Variants in PLEKHM2 observed in about 807,000 individuals in gnomAD.
PLEKHM2 encodes the protein pleckstrin homology and RUN domain containing M2, also known as pleckstrin homology domain-containing family M member 2.
A neutral mutation model predicts 116.3 loss-of-function variants in PLEKHM2; 77 were observed. The ratio of observed to expected loss-of-function variants is 0.66; its 90% CI spans 0.55 to 0.80. PLEKHM2 has a LOEUF of 0.80. PLEKHM2 is among the 30% of genes least tolerant of loss of function. The pLI, the probability that PLEKHM2 is intolerant of heterozygous loss-of-function variation, is 0.00. For synonymous variants in PLEKHM2, 562 were observed against 571.0 expected, an observed-to-expected ratio of 0.98 and a Z score of 0.22; for missense variants, 1,183 against 1,354.9, an observed-to-expected ratio of 0.87 and a Z score of 1.99.
chr1:15,706,455 G>T (rs1291909765), intron 1 of PLEKHM2, among the ~76,000 whole-genome samples: 1 of 151,994 alleles, frequency 6.6e-6, no homozygotes, highest in Non-Finnish European at 1.5e-5. Context: ...GCCCAGGCTG[G>T]AGTGCAGTGG....
intron 1 of PLEKHM2, among the ~76,000 whole-genome samples, chr1:15,695,641 A>T (rs1481780528): frequency 6.6e-6 from 1 of 151,914 alleles, no homozygotes; most frequent in East Asian, 1.9e-4. Context: ...CCTCCCAAGT[A>T]GCTGGGATTA....
intron 1 of PLEKHM2, among the ~76,000 whole-genome samples, chr1:15,685,541 G>GAAAAAAAAAAAAAAAAAAAGAAAAAAAAA (rs1640751476): frequency 1.4e-5 from 1 of 73,508 alleles, no homozygotes; most frequent in Admixed American, 1.9e-4. Flanking sequence ...CTCAGAAACT[G>GAAAAAAAAAAAAAAAAAAAGAAAAAAAAA]AAAAAAAAAA....
intron 7 of PLEKHM2, among the ~76,000 whole-genome samples, chr1:15,723,744 CAAAAAAAAAAAAA>C (rs1056474462): frequency 3.9e-5 from 3 of 76,412 alleles, no homozygotes; most frequent in Admixed American, 1.5e-4. Flanking sequence ...GACCCTGTCT[CAAAAAAAAAAAAA>C]AAAAAAAAAA....
chr1:15,718,392 G>C (rs1641488252), intron 4 of PLEKHM2, 146 bp from the exon 5 acceptor site: 6 of 641,268 alleles, frequency 9.4e-6, no homozygotes, highest in South Asian at 3.5e-5. Flanking sequence ...CTGAGAGGGT[G>C]GTGGGCAACA....
chr1:15,716,220 G>GTTTTTTTTTTTTTT lies in PLEKHM2; in HGVS notation c.61-8_61-7insTTTTTTTTTTTTTT. ...CTTAATCCATTTCTGATTTGGAGGT[G>GTTTTTTTTTTTTTT]TTTTTTTTTCTTTCAGTTGCAGAGC... is the stretch of plus-strand genomic sequence containing the variant. On this transcript the variant is annotated splice_polypyrimidine_tract_variant and intron_variant, in intron 1 of 19. Transcript: ENST00000375799. 7.2e-7 allele frequency: 1 copy of GTTTTTTTTTTTTTT among 1,383,172 alleles called. No individual in the cohort carries two copies. The highest frequency in any genetic ancestry group is 1.0e-6 in the Non-Finnish European group (1 of 1,004,034). The allele number at this position is 1,383,172 out of a possible 1,614,324, so 85.7% of individuals were successfully genotyped here.
chr1:15,733,862 C>A lies in PLEKHM2; in HGVS notation c.2988C>A (p.Ser996Arg). The change falls in exon 20 of 20, where the codon AGC becomes AGA. Residue 996 changes from serine (S) to arginine (R), a missense_variant. By Grantham distance (110) the Ser-to-Arg change is moderately radical. Coordinates refer to ENST00000375799, the MANE Select transcript of PLEKHM2 (RefSeq NM_015164.4). ...AGAAGAAATTCGAGGATGCCTTGAG[C>A]CTCATCCACAGCGCCTGGCAGCGGA... ...SNKKKFEDAL[S>R]LIHSAWQRSD... 1.2e-6 allele frequency: 2 copies of A among 1,613,054 alleles called. No homozygotes were observed. Among genetic ancestry groups the A allele is most frequent in the Non-Finnish European group, 1.7e-6 (2 of 1,179,834 alleles).
At chr1:15,720,366 G>A (rs570967121) in intron 6 of PLEKHM2, 23 of 985,188 alleles carry the variant, frequency 2.3e-5, no homozygotes, top group East Asian at 1.1e-4. Context: ...GGTCTGAAGC[G>A]CAGGGAAACC....
rs2148369075 is a variant in PLEKHM2 at position 15,725,504 on chromosome 1, C to T, written c.900C>T (p.Ala300=). The T allele has an allele frequency of 6.3e-7, 1 of 1,576,912 alleles. No homozygotes were observed. Among genetic ancestry groups the T allele is most frequent in the Non-Finnish European group, 8.6e-7 (1 of 1,162,314 alleles). Residue 300 remains alanine (A), a synonymous_variant, in exon 8 of 20, where the codon GCC becomes GCT. Coordinates refer to ENST00000375799, the MANE Select transcript of PLEKHM2 (RefSeq NM_015164.4). ...TTSQEKEEAQ[A]LDPPDACTEL... is the part of the protein sequence containing the mutation. ...CTCAGGAGAAGGAGGAGGCCCAGGC[C>T]CTGGACCCGCCGGATGCCTGCACGG...
In PLEKHM2 at chr1:15,720,283, G is replaced by A. The variant is rs1196583936; in HGVS notation, c.652+363G>A. 6 of 956,610 alleles carry A rather than the reference G, an allele frequency of 6.3e-6. No individual in the cohort carries two copies. In the Admixed American group the frequency reaches 3.7e-4, roughly 59 times the overall value. 59.3% of individuals were successfully genotyped at this position (956,610 alleles called of 1,614,324 possible). A position where few individuals can be genotyped will look rare whatever the true frequency, so the allele number is the denominator to read the frequency against. ...CGCAGGGTTGAGTGTTGCCTGTTCT[G>A]GGGAGCTTGTCTGACCCCACATTCT... On this transcript the variant is annotated intron_variant, in intron 6 of 19. Transcript: ENST00000375799.
chr1:15,719,945 C>CCTTA lies in PLEKHM2; in HGVS notation c.652+25_652+26insCTTA. The CCTTA allele has an allele frequency of 6.3e-7, 1 of 1,588,742 alleles. No homozygotes were observed. Among genetic ancestry groups the CCTTA allele is most frequent in the Non-Finnish European group, 8.6e-7 (1 of 1,162,256 alleles). ...GGTGAGTGGCCCCAGGGCAGAAAAG[C>CCTTA]TAAGCCCCTGTTGTGAAACAGACTT... On this transcript the variant is annotated intron_variant, in intron 6 of 19. Transcript: ENST00000375799. This position sits in a 1 kb window ranked among gnomAD's most constrained non-coding sequence, Gnocchi z 4.1.
rs551086430 is a variant in PLEKHM2 at position 15,694,552 on chromosome 1, G to A, written c.60+9934G>A. On this transcript the variant is annotated intron_variant, in intron 1 of 19. Transcript: ENST00000375799. The stretch of plus-strand genomic sequence containing the variant: ...CTCCTTGGTGTTGCTCATTCCAGGT[G>A]CAAACATCCTAGAACTTCCATTTGA... Among the ~76,000 whole-genome samples the A allele has an allele frequency of 3.9e-5, 6 of 152,126 alleles. No individual in the cohort carries two copies. The South Asian group carries it at 1.2e-3, about 32-fold the overall frequency.
chr1:15,691,571 A>G (rs982595048), intron 1 of PLEKHM2, among the ~76,000 whole-genome samples: 5 of 152,194 alleles, frequency 3.3e-5, no homozygotes, highest in African/African-American at 1.2e-4. Context: ...TTGGGCAGAC[A>G]GTGCCTCACC....
chr1:15,688,451 A>G (rs1640817889), intron 1 of PLEKHM2, among the ~76,000 whole-genome samples: 1 of 152,146 alleles, frequency 6.6e-6, no homozygotes, highest in African/African-American at 2.4e-5. Flanking sequence ...CAGAAGTTCA[A>G]GACCAGCCTT....
chr1:15,713,358 T>C (rs1476498697), intron 1 of PLEKHM2, among the ~76,000 whole-genome samples: 1 of 152,182 alleles, frequency 6.6e-6, no homozygotes, highest in Non-Finnish European at 1.5e-5. Flanking sequence ...CTGTTGGCAA[T>C]AGTAAATGGG....
rs2068200440 is a variant in PLEKHM2 at position 15,734,729 on chromosome 1, G to GT, written c.*799dup. On this transcript the variant is annotated 3_prime_UTR_variant, in exon 20 of 20. Coordinates refer to ENST00000375799, the MANE Select transcript of PLEKHM2 (RefSeq NM_015164.4). ...CTGGGGAAGGGGTCAGGTGGTTTGGGTTTTGTTTTTTAAAATAAAATAGAC... is the reference window on the plus strand; with the variant it reads ...CTGGGGAAGGGGTCAGGTGGTTTGGGTTTTTGTTTTTTAAAATAAAATAGAC... The GT allele has an allele frequency of 6.6e-6, 1 of 152,158 alleles. No homozygotes were observed. Among genetic ancestry groups the GT allele is most frequent in the Admixed American group, 6.6e-5 (1 of 15,264 alleles). The allele number at this position is 152,158 out of a possible 1,614,324, so 9.4% of individuals were successfully genotyped here.
rs1205292241 is a variant in PLEKHM2 at position 15,728,890 on chromosome 1, G to T, written c.1986+157G>T. 5.3e-5 allele frequency among the ~76,000 whole-genome samples: 8 copies of T among 152,162 alleles called. No homozygotes were observed. Among genetic ancestry groups the T allele is most frequent in the Admixed American group, 1.3e-4 (2 of 15,270 alleles). On this transcript the variant is annotated intron_variant, in intron 12 of 19. Transcript: ENST00000375799. This position sits in a 1 kb window ranked among gnomAD's most constrained non-coding sequence, Gnocchi z 5.9. ...AGAGGCTTCTGTACACGATGCTGGG[G>T]GTAAGAACCAAGCTTGAGGTTGCCT...
intron 1 of PLEKHM2, among the ~76,000 whole-genome samples, chr1:15,690,982 G>A (rs1198482064): frequency 6.6e-6 from 1 of 152,240 alleles, no homozygotes; most frequent in African/African-American, 2.4e-5. Context: ...GTTTGCTTTG[G>A]AGACGATCAG....
chr1:15,724,491 A>G (rs2068035669), intron 7 of PLEKHM2, among the ~76,000 whole-genome samples: 1 of 151,894 alleles, frequency 6.6e-6, no homozygotes, highest in South Asian at 2.1e-4. Context: ...CAAAAAAAAA[A>G]AAAAAGAAAG....
intron 1 of PLEKHM2, among the ~76,000 whole-genome samples, chr1:15,693,898 A>G (rs997737174): frequency 2.0e-5 from 3 of 152,174 alleles, no homozygotes; most frequent in African/African-American, 4.8e-5. Context: ...TGGCTGGGTC[A>G]TTCCTACCTC....
Sources: allele counts gnomAD v4.1 joint callset (sites outside exome capture counted in the v4.1 genomes callset), GRCh38; gene constraint gnomAD v4.1.1; non-coding constraint Gnocchi (gnomAD v3.1); transcripts MANE v1.5; gene names NCBI Gene and HGNC (gene_info 2026-07-23, HGNC 2026-07-21).